The following BCKDHB variants were observed in gnomAD, a reference collection of about 807,000 sequenced individuals.
The protein encoded by BCKDHB is 2-oxoisovalerate dehydrogenase subunit beta, mitochondrial.
In BCKDHB, 41 loss-of-function variants were observed where a neutral mutation model predicts 48.5. That is an observed-to-expected ratio of 0.85 (90% CI 0.66 to 1.10). The LOEUF (loss-of-function observed/expected upper bound fraction) is 1.10. Among genes scored for constraint, BCKDHB ranks in the 50% least tolerant of loss-of-function variants. BCKDHB has a pLI of 0.00. For missense variants in BCKDHB, 496 were observed against 494.2 expected, an observed-to-expected ratio of 1.00 and a Z score of -0.03; for synonymous variants, 201 against 174.8, an observed-to-expected ratio of 1.15 and a Z score of -1.18.
intron 9 of BCKDHB, among the ~76,000 whole-genome samples, chr6:80,311,857 C>T (rs1459080860): frequency 6.6e-6 from 1 of 152,128 alleles, no homozygotes; most frequent in Non-Finnish European, 1.5e-5. Context: ...AGTCGAGTAA[C>T]ATTGATGCCT....
chr6:80,128,175 C>T (rs1770440325), intron 2 of BCKDHB, among the ~76,000 whole-genome samples: 1 of 151,798 alleles, frequency 6.6e-6, no homozygotes, highest in Admixed American at 6.6e-5. Context: ...TAACATATAT[C>T]TATATATACA....
chr6:80,286,873 C>A (rs1434685427), intron 9 of BCKDHB, among the ~76,000 whole-genome samples: 1 of 152,054 alleles, frequency 6.6e-6, no homozygotes, highest in Non-Finnish European at 1.5e-5. Context: ...ATATACAAGG[C>A]AAGCATTTAA....
intron 9 of BCKDHB, among the ~76,000 whole-genome samples, chr6:80,313,683 TTTA>T (rs1442172665): frequency 3.9e-5 from 6 of 152,106 alleles, no homozygotes; most frequent in Non-Finnish European, 5.9e-5. Context: ...CCTGACCTAT[TTTA>T]TTAATTTTTT....
intron 8 of BCKDHB, among the ~76,000 whole-genome samples, chr6:80,209,046 C>T (rs1301534388): frequency 6.6e-6 from 1 of 151,732 alleles, no homozygotes; most frequent in Non-Finnish European, 1.5e-5. Context: ...CTCATGTTAA[C>T]AGAAAACAGG....
At position 80,140,564 on chromosome 6, in the gene BCKDHB, T is replaced by C. The variant is rs545777475; in HGVS notation, c.343+11335T>C. Reference sequence around the variant, plus strand: ...TTTTCTGCATCTATTGAGATAATCATGTGGTTTTTGTCTTTGGTTCTGTTT... The same window carrying C: ...TTTTCTGCATCTATTGAGATAATCACGTGGTTTTTGTCTTTGGTTCTGTTT... On this transcript the variant is annotated intron_variant, in intron 3 of 9. Coordinates refer to ENST00000320393, the MANE Select transcript of BCKDHB (RefSeq NM_183050.4). Among the ~76,000 whole-genome samples the C allele has an allele frequency of 1.7e-3, 262 of 152,256 alleles. 1 individual carries two copies. Among genetic ancestry groups the C allele is most frequent in the African/African-American group, 6.0e-3 (248 of 41,548 alleles).
intron 3 of BCKDHB, among the ~76,000 whole-genome samples, chr6:80,142,207 T>G (rs1771254049): frequency 6.6e-6 from 1 of 152,096 alleles, no homozygotes; most frequent in African/African-American, 2.4e-5. Flanking sequence ...TAGTTGAAAT[T>G]TATTTTATTG....
intron 9 of BCKDHB, among the ~76,000 whole-genome samples, chr6:80,281,810 A>G (rs929145128): frequency 1.3e-5 from 2 of 151,894 alleles, no homozygotes; most frequent in African/African-American, 4.8e-5. Flanking sequence ...TTAAACATCT[A>G]TCAAACCTGA....
chr6:80,436,783 A>G, the BCKDHB span, among the ~76,000 whole-genome samples: 1 of 152,210 alleles, frequency 6.6e-6, no homozygotes, highest in Non-Finnish European at 1.5e-5. Flanking sequence ...ATCCATGTAG[A>G]GATCCATGAT....
intron 9 of BCKDHB, among the ~76,000 whole-genome samples, chr6:80,283,945 T>C (rs1200580885): frequency 1.3e-5 from 2 of 152,142 alleles, no homozygotes; most frequent in Non-Finnish European, 2.9e-5. Context: ...AAGACACATA[T>C]TCAATTTGCC....
the BCKDHB span, among the ~76,000 whole-genome samples, chr6:80,457,500 CTGTT>C: frequency 1.3e-5 from 2 of 152,202 alleles, no homozygotes; most frequent in Admixed American, 6.5e-5. Context: ...TCCCTCCTGT[CTGTT>C]TGGGTGAGTC....
rs567002845 is a variant in BCKDHB, at chr6:80,107,833, A to G, written c.196+944A>G. 7.5e-4 allele frequency among the ~76,000 whole-genome samples: 114 copies of G among 152,222 alleles called. 1 individual carries two copies. The highest frequency in any genetic ancestry group is 2.6e-3 in the African/African-American group (108 of 41,538). On this transcript the variant is annotated intron_variant, in intron 1 of 9. Transcript: ENST00000320393. ...TTGCATGATTTTTACCATTTCTGCA[A>G]GTTTCATGTAATGTCTCTCATCAGA... is the stretch of plus-strand genomic sequence containing the variant.
chr6:80,248,332 C>T (rs1472697762), intron 8 of BCKDHB, among the ~76,000 whole-genome samples: 1 of 152,074 alleles, frequency 6.6e-6, no homozygotes, highest in Non-Finnish European at 1.5e-5. Flanking sequence ...GATATAGTTC[C>T]AGATACACTG....
chr6:80,402,194 C>CT, the BCKDHB span, among the ~76,000 whole-genome samples: 1 of 151,770 alleles, frequency 6.6e-6, no homozygotes, highest in South Asian at 2.1e-4. Flanking sequence ...GAACTCCATA[C>CT]TTTTTTGCAT....
chr6:80,222,632 T>G (rs1252524021), intron 8 of BCKDHB, among the ~76,000 whole-genome samples: 1 of 152,168 alleles, frequency 6.6e-6, no homozygotes, highest in Non-Finnish European at 1.5e-5. Flanking sequence ...AGTTGTCTTC[T>G]TAGTGTTCCC....
the BCKDHB span, among the ~76,000 whole-genome samples, chr6:80,370,112 A>G: frequency 6.6e-6 from 1 of 152,188 alleles, no homozygotes; most frequent in South Asian, 2.1e-4. Flanking sequence ...GTAAATGAGT[A>G]ATTCCTACCT....
chr6:80,115,814 T>C (rs1045153072), intron 1 of BCKDHB, among the ~76,000 whole-genome samples: 1 of 152,064 alleles, frequency 6.6e-6, no homozygotes, highest in African/African-American at 2.4e-5. Flanking sequence ...TTTTTTGTAT[T>C]TTTAGTAGAG....
At chr6:80,207,099 T>G (rs1429543447) in intron 8 of BCKDHB, among the ~76,000 whole-genome samples, 1 of 152,006 alleles carries the variant, frequency 6.6e-6, no homozygotes, top group Non-Finnish European at 1.5e-5. Flanking sequence ...GGGAGCTCCC[T>G]TTGGCAGAAG....
chr6:80,406,427 CCA>C, the BCKDHB span, among the ~76,000 whole-genome samples: 1 of 152,238 alleles, frequency 6.6e-6, no homozygotes, highest in Non-Finnish European at 1.5e-5. Context: ...TGAGGAATCA[CCA>C]CACTGTCTTC....
At chr6:80,376,714 C>A in the BCKDHB span, among the ~76,000 whole-genome samples, 1 of 152,154 alleles carries the variant, frequency 6.6e-6, no homozygotes. Flanking sequence ...ATAGCATTTA[C>A]AAAGACTAGG....
Sources: allele counts gnomAD v4.1 joint callset (sites outside exome capture counted in the v4.1 genomes callset), GRCh38; gene constraint gnomAD v4.1.1; transcripts MANE v1.5; gene names NCBI Gene and HGNC (gene_info 2026-07-23, HGNC 2026-07-21).